The following IL37 variants were observed in gnomAD, a reference collection of about 807,000 sequenced individuals.
IL37 encodes interleukin-37.
Under a neutral mutation model 15.4 loss-of-function variants are expected in IL37, and 15 were observed. The observed-to-expected ratio is 0.98, with a 90% CI of 0.65 to 1.50. The LOEUF is 1.50. Ranked by LOEUF, IL37 falls within the 40% of genes most tolerant of loss-of-function variation. IL37 has a pLI of 0.00. For synonymous variants in IL37, 98 were observed against 97.4 expected (o/e 1.01, Z -0.03); for missense variants, 269 against 261.7 (o/e 1.03, Z -0.19).
chr2:112,918,365 G>T (rs1002578205), intron 5 of IL37, among the ~76,000 whole-genome samples, 196 bp from the exon 6 acceptor site: 1 of 151,706 alleles, frequency 6.6e-6, no homozygotes, highest in Non-Finnish European at 1.5e-5. Flanking sequence ...GGACAAGAAG[G>T]CCTGGAAAAG....
At position 112,918,794 on chromosome 2, in the gene IL37, T is replaced by C. The variant is rs369591363; in HGVS notation, c.642T>C (p.Ser214=). The change falls in exon 6 of 6, where the codon AGT becomes AGC. Residue 214 remains serine, a synonymous_variant. Coordinates refer to ENST00000263326, the MANE Select transcript of IL37 (RefSeq NM_014439.4). ...QPVCKAEMSP[S]EVSD ...TTTGCAAAGCTGAAATGAGCCCCAG[T>C]GAGGTCAGCGATTAGGAAACTGCCC... 17 of 1,613,528 alleles carry C rather than the reference T, an allele frequency of 1.1e-5. No homozygotes were observed. The highest frequency in any genetic ancestry group is 1.4e-5 in the Non-Finnish European group (17 of 1,179,598).
At position 112,913,836 on chromosome 2, in the gene IL37, A is replaced by T. The variant is rs149966581; in HGVS notation, c.127A>T (p.Met43Leu). The T allele has an allele frequency of 6.8e-6, 11 of 1,613,536 alleles. No individual in the cohort carries two copies. The highest frequency in any genetic ancestry group is 9.3e-6 in the Non-Finnish European group (11 of 1,179,568). ...GGAACCAGGCCCAAGCCTCCCCACC[A>T]TGAATTTTGTTCACACAAGTAAGGC... is the stretch of plus-strand genomic sequence containing the variant. ...PLEPGPSLPT[M>L]NFVHTSPKVK... The change falls in exon 3 of 6, where the codon ATG becomes TTG. Residue 43 changes from methionine (M) to leucine (L), a missense_variant. Met to Leu is a conservative substitution (Grantham distance 15). Transcript: ENST00000263326.
intron 3 of IL37, among the ~76,000 whole-genome samples, chr2:112,915,990 GA>G (rs1683302332): frequency 6.7e-6 from 1 of 149,814 alleles, no homozygotes. Flanking sequence ...GGGGGCTGAG[GA>G]GGGCTGCAGG....
rs1208468904 is a variant in IL37, at chr2:112,918,829, C to T, written c.*20C>T. On this transcript the variant is annotated 3_prime_UTR_variant, in exon 6 of 6. Transcript: ENST00000263326. Reference sequence around the variant, plus strand: ...GATTAGGAAACTGCCCCATTGAACGCCTTCCTCGCTAATTTGAACTAATTG... The same window carrying T: ...GATTAGGAAACTGCCCCATTGAACGTCTTCCTCGCTAATTTGAACTAATTG... 1 of 1,599,610 alleles carries T rather than the reference C, an allele frequency of 6.3e-7. No homozygotes were observed. Among genetic ancestry groups the T allele is most frequent in the Non-Finnish European group, 8.5e-7 (1 of 1,169,868 alleles).
chr2:112,911,810 C>G (rs1683184459), intron 1 of IL37, among the ~76,000 whole-genome samples: 1 of 152,150 alleles, frequency 6.6e-6, no homozygotes. Flanking sequence ...ATCTCTTGCT[C>G]TGATGTTCTG....
At chr2:112,915,008 G>T (rs1683269129) in intron 3 of IL37, among the ~76,000 whole-genome samples, 1 of 152,178 alleles carries the variant, frequency 6.6e-6, no homozygotes, top group South Asian at 2.1e-4. Flanking sequence ...CCCTAAAGCT[G>T]GCGCTGGCAC....
intron 3 of IL37, among the ~76,000 whole-genome samples, chr2:112,916,284 G>T (rs1439840110): frequency 6.6e-6 from 1 of 152,166 alleles, no homozygotes; most frequent in Non-Finnish European, 1.5e-5. Context: ...CAGCCTGGGG[G>T]CCCCTGTTCT....
At chr2:112,917,905 G>A in intron 5 of IL37, 128 bp downstream of exon 5, 1 of 969,068 alleles carries the variant, frequency 1.0e-6, no homozygotes, top group Non-Finnish European at 1.6e-6. Context: ...CACCTTTCTG[G>A]AAGCACCAGG....
chr2:112,918,778 C>T lies in IL37; in HGVS notation c.626C>T (p.Ala209Val), dbSNP rs777365968. 15 of 1,614,086 alleles carry T rather than the reference C, an allele frequency of 9.3e-6. No individual in the cohort carries two copies. The highest frequency in any genetic ancestry group is 1.3e-5 in the Non-Finnish European group (15 of 1,179,992). Residue 209 changes from alanine (A) to valine (V), a missense_variant, in exon 6 of 6, where the codon GCT (alanine) becomes GTT (valine). By Grantham distance (64) the Ala-to-Val change is moderately conservative (BLOSUM62 0). Transcript: ENST00000263326. ...TTTTCATTTCAACCAGTTTGCAAAGCTGAAATGAGCCCCAGTGAGGTCAGC... is the reference window on the plus strand; with the variant it reads ...TTTTCATTTCAACCAGTTTGCAAAGTTGAAATGAGCCCCAGTGAGGTCAGC... ...IEFSFQPVCK[A>V]EMSPSEVSD
At chr2:112,915,564 T>C (rs1683289802) in intron 3 of IL37, among the ~76,000 whole-genome samples, 1 of 152,142 alleles carries the variant, frequency 6.6e-6, no homozygotes, top group African/African-American at 2.4e-5. Context: ...TCTTGCACAT[T>C]AAAGTGTGGG....
At chr2:112,911,826 C>A (rs902630528) in intron 1 of IL37, among the ~76,000 whole-genome samples, 3 of 152,280 alleles carry the variant, frequency 2.0e-5, no homozygotes, top group African/African-American at 7.2e-5. Flanking sequence ...TTCTGGCTGC[C>A]AAATTCTCTG....
chr2:112,913,139 C>T (rs747661256), intron 2 of IL37, 45 bp downstream of exon 2: 26 of 1,359,880 alleles, frequency 1.9e-5, no homozygotes, highest in Non-Finnish European at 2.4e-5. Context: ...AGTGTAATTC[C>T]TAGAGCAGAA....
At chr2:112,916,019 G>A (rs2466451) in intron 3 of IL37, among the ~76,000 whole-genome samples, 14,747 of 152,204 alleles carry the variant, frequency 0.097, 940 homozygotes, top group African/African-American at 0.17. Flanking sequence ...CAGGAAAGCC[G>A]GTGTTACAGG....
chr2:112,918,777 G>A lies in IL37; in HGVS notation c.625G>A (p.Ala209Thr), dbSNP rs763412587. ...IEFSFQPVCKAEMSPSEVSD is the reference protein window; with the variant it reads ...IEFSFQPVCKTEMSPSEVSD ...ATTTTCATTTCAACCAGTTTGCAAA[G>A]CTGAAATGAGCCCCAGTGAGGTCAG... The change falls in exon 6 of 6, where the codon GCT becomes ACT. Residue 209 changes from alanine to threonine, a missense_variant. Coordinates refer to ENST00000263326, the MANE Select transcript of IL37 (RefSeq NM_014439.4). 7 of 1,613,972 alleles carry A rather than the reference G, an allele frequency of 4.3e-6. No individual in the cohort carries two copies. Among genetic ancestry groups the A allele is most frequent in the African/African-American group, 4.0e-5 (3 of 74,896 alleles).
intron 4 of IL37, 59 bp downstream of exon 4, chr2:112,917,307 C>A: frequency 6.3e-7 from 1 of 1,585,812 alleles, no homozygotes; most frequent in Non-Finnish European, 8.6e-7. Flanking sequence ...AGGCCTCCTG[C>A]TAGGTGGGCT....
intron 3 of IL37, among the ~76,000 whole-genome samples, chr2:112,914,593 G>C (rs981460973): frequency 7.9e-5 from 12 of 152,366 alleles, no homozygotes; most frequent in African/African-American, 2.6e-4. Flanking sequence ...GCCTGGCACA[G>C]TTGGGGGAGG....
At chr2:112,915,197 C>T (rs767977427) in intron 3 of IL37, 1 of 1,613,820 alleles carries the variant, frequency 6.2e-7, no homozygotes, top group Non-Finnish European at 8.5e-7. Flanking sequence ...GATCCTATGT[C>T]AGGCTGTGAT....
At chr2:112,916,073 A>T (rs1683304032) in intron 3 of IL37, among the ~76,000 whole-genome samples, 1 of 152,232 alleles carries the variant, frequency 6.6e-6, no homozygotes, top group Non-Finnish European at 1.5e-5. Flanking sequence ...CCAGGAGGAC[A>T]TTCTACAGTG....
In IL37 at chr2:112,917,639, C is replaced by T. The variant is rs773627585; in HGVS notation, c.270C>T (p.Ile90=). ...VPDKNYIRPE[I]FFALASSLSS... ...GTTCTGACTGTCTTTTTCCAGAGAT[C>T]TTCTTTGCATTAGCCTCATCCTTGA... is the stretch of plus-strand genomic sequence containing the variant. The change falls in exon 5 of 6, where the codon ATC becomes ATT. Residue 90 remains isoleucine, a synonymous_variant. Coordinates refer to ENST00000263326, the MANE Select transcript of IL37 (RefSeq NM_014439.4). 7 of 1,566,350 alleles carry T rather than the reference C, an allele frequency of 4.5e-6. No homozygotes were observed. Among genetic ancestry groups the T allele is most frequent in the African/African-American group, 1.4e-5 (1 of 72,908 alleles).
Sources: gnomAD v4.1 joint callset for allele counts (sites outside exome capture counted in the v4.1 genomes callset) on GRCh38, gnomAD v4.1.1 for gene constraint, MANE v1.5 for transcripts, NCBI Gene and HGNC (gene_info 2026-07-23, HGNC 2026-07-21) for gene names.